ATP10A: variants seen among roughly 807,000 people sequenced by gnomAD.
ATP10A encodes the protein phospholipid-transporting ATPase VA.
ATP10A carries 111 observed loss-of-function variants against 147.8 expected under a neutral mutation model. The ratio of observed to expected loss-of-function variants is 0.75; its 90% CI spans 0.64 to 0.88. The LOEUF is 0.88. ATP10A is among the 40% of genes least tolerant of loss of function. ATP10A has a pLI of 0.00. For missense variants in ATP10A, 1,927 were observed against 1,959.0 expected (o/e 0.98, Z 0.31); for synonymous variants, 875 against 841.6 (o/e 1.04, Z -0.69).
intron 2 of ATP10A, among the ~76,000 whole-genome samples, chr15:25,767,811 C>T (rs72705863): frequency 0.045 from 6,884 of 152,320 alleles, 219 homozygotes; most frequent in Middle Eastern, 0.085. Flanking sequence ...AGGACCCAGC[C>T]GCTGTCACCT....
intron 1 of ATP10A, among the ~76,000 whole-genome samples, chr15:25,850,658 G>T (rs1430724634): frequency 2.4e-5 from 3 of 123,078 alleles, no homozygotes; most frequent in Middle Eastern, 7.6e-3. Context: ...CCCAGCCCCG[G>T]TGACTCACTC....
At chr15:25,699,463 T>C (rs1400629426) in intron 13 of ATP10A, among the ~76,000 whole-genome samples, 1 of 152,200 alleles carries the variant, frequency 6.6e-6, no homozygotes, top group African/African-American at 2.4e-5. Flanking sequence ...ACTGTATCTA[T>C]AGATAAGATG....
intron 2 of ATP10A, among the ~76,000 whole-genome samples, chr15:25,766,800 C>T (rs1273654229): frequency 6.6e-6 from 1 of 151,544 alleles, no homozygotes; most frequent in African/African-American, 2.4e-5. Flanking sequence ...CTAGGTGCCA[C>T]GGGGACTAGA....
chr15:25,767,222 G>A (rs1889074493), intron 2 of ATP10A, among the ~76,000 whole-genome samples: 1 of 152,228 alleles, frequency 6.6e-6, no homozygotes, highest in Admixed American at 6.5e-5. Context: ...CATTCTGGCA[G>A]GTGCTGCAGC....
At chr15:25,716,507 C>T (rs1402373964) in intron 9 of ATP10A, among the ~76,000 whole-genome samples, 2 of 152,196 alleles carry the variant, frequency 1.3e-5, no homozygotes, top group Non-Finnish European at 2.9e-5. Context: ...TCCCACTTGG[C>T]CCCAATCATA....
At chr15:25,716,211 C>T (rs1293927663) in intron 9 of ATP10A, among the ~76,000 whole-genome samples, 4 of 152,232 alleles carry the variant, frequency 2.6e-5, no homozygotes, top group Non-Finnish European at 5.9e-5. Flanking sequence ...AATGTGTCTC[C>T]AGCTGCATGG....
intron 2 of ATP10A, among the ~76,000 whole-genome samples, chr15:25,762,434 G>T (rs746114245): frequency 6.6e-6 from 1 of 151,968 alleles, no homozygotes; most frequent in African/African-American, 2.4e-5. Context: ...GCACCACCAC[G>T]CCCGGCAAAT....
chr15:25,706,733 G>A (rs1225289771), intron 12 of ATP10A, among the ~76,000 whole-genome samples: 2 of 152,220 alleles, frequency 1.3e-5, no homozygotes, highest in African/African-American at 4.8e-5. Flanking sequence ...GCACCGGAGG[G>A]CCAATTTCAC....
intron 2 of ATP10A, among the ~76,000 whole-genome samples, chr15:25,739,475 G>A (rs1887467842): frequency 6.6e-6 from 1 of 152,130 alleles, no homozygotes. Flanking sequence ...GTGAAGAGAG[G>A]GCATTTGGAC....
At chr15:25,745,105 C>T (rs1416272831) in intron 2 of ATP10A, among the ~76,000 whole-genome samples, 1 of 151,980 alleles carries the variant, frequency 6.6e-6, no homozygotes, top group Non-Finnish European at 1.5e-5. Flanking sequence ...GCAGGCAGAT[C>T]ACGACGTCAT....
chr15:25,864,661 C>G (rs4906796), upstream of ATP10A, among the ~76,000 whole-genome samples: 135,503 of 152,240 alleles, frequency 0.89, 60,567 homozygotes, highest in East Asian at 0.94. Flanking sequence ...GGGCTTTTGA[C>G]ATGTAGAGGC....
chr15:25,775,825 C>T (rs1213401298), intron 2 of ATP10A, among the ~76,000 whole-genome samples: 1 of 152,260 alleles, frequency 6.6e-6, no homozygotes, highest in African/African-American at 2.4e-5. Context: ...GACGTGTCCT[C>T]TGGGTCTGGA....
At chr15:25,861,197 C>G (rs1008374740) in intron 1 of ATP10A, among the ~76,000 whole-genome samples, 5 of 152,204 alleles carry the variant, frequency 3.3e-5, no homozygotes, top group African/African-American at 7.2e-5. Context: ...GTTACGTGCA[C>G]GCTAATCTAA....
In ATP10A at chr15:25,863,090, G is replaced by T. The variant is rs1221961792; in HGVS notation, c.7C>A (p.Arg3=). 3 of 1,191,940 alleles carry T rather than the reference G, an allele frequency of 2.5e-6. No homozygotes were observed. Among genetic ancestry groups the T allele is most frequent in the Non-Finnish European group, 2.1e-6 (2 of 964,090 alleles). 73.8% of individuals were successfully genotyped at this position (1,191,940 alleles called of 1,614,324 possible). A position where few individuals can be genotyped will look rare whatever the true frequency, so the allele number is the denominator to read the frequency against. Residue 3 remains arginine, a synonymous_variant, in exon 1 of 21, where the codon CGG becomes AGG. Transcript: ENST00000555815. ...GGCTCCTCGGTCCCCGCCGGCTCCC[G>T]CTCCATGGCCGCGTGTCGCCGCGCC... The part of the protein sequence containing the change: ME[R]EPAGTEEPGP...
chr15:25,675,141 C>G (rs1899111186), downstream of ATP10A, among the ~76,000 whole-genome samples: 2 of 152,158 alleles, frequency 1.3e-5, no homozygotes, highest in Admixed American at 6.5e-5. Flanking sequence ...ACATCGTGTA[C>G]TGGTTGGGCC....
upstream of ATP10A, among the ~76,000 whole-genome samples, chr15:25,863,378 G>T (rs539819066): frequency 6.6e-6 from 1 of 151,770 alleles, no homozygotes; most frequent in Non-Finnish European, 1.5e-5. Flanking sequence ...CCCCCGGCCC[G>T]GGTCGTTTCC....
intron 1 of ATP10A, among the ~76,000 whole-genome samples, chr15:25,817,774 G>A (rs1200022290): frequency 6.6e-6 from 1 of 152,066 alleles, no homozygotes; most frequent in East Asian, 1.9e-4. Flanking sequence ...CCTTTCCTGG[G>A]GTCAGATTTC....
intron 12 of ATP10A, among the ~76,000 whole-genome samples, chr15:25,703,846 A>T (rs1229087897): frequency 2.0e-5 from 3 of 152,142 alleles, no homozygotes; most frequent in South Asian, 2.1e-4. Flanking sequence ...CATGTCGGGG[A>T]TGTACTGGAA....
At chr15:25,793,036 A>G (rs1254258382) in intron 1 of ATP10A, among the ~76,000 whole-genome samples, 1 of 151,758 alleles carries the variant, frequency 6.6e-6, no homozygotes, top group Non-Finnish European at 1.5e-5. Context: ...ATGCCCAGCT[A>G]ATTTTTGTAT....
Sources: gnomAD v4.1 joint callset for allele counts (sites outside exome capture counted in the v4.1 genomes callset) on GRCh38, gnomAD v4.1.1 for gene constraint, MANE v1.5 for transcripts, NCBI Gene and HGNC (gene_info 2026-07-23, HGNC 2026-07-21) for gene names.